DGKZ: variants seen among roughly 807,000 people sequenced by gnomAD.
DGKZ encodes DAG kinase zeta.
In DGKZ, 45 loss-of-function variants were observed where a neutral mutation model predicts 142.5. The ratio of observed to expected loss-of-function variants is 0.32; its 90% confidence interval spans 0.25 to 0.40. The LOEUF (loss-of-function observed/expected upper bound fraction) is 0.40, where lower values mean the gene tolerates loss of function less well. DGKZ is among the 10% of genes least tolerant of loss of function. The pLI is 1.00. For synonymous variants in DGKZ, 442 were observed against 527.0 expected (o/e 0.84, Z 2.21); for missense variants, 755 against 1,306.5 (o/e 0.58, Z 6.51).
intron 6 of DGKZ, 102 bp downstream of exon 6, chr11:46,370,111 G>GGT: frequency 6.9e-7 from 1 of 1,445,222 alleles, no homozygotes; most frequent in Non-Finnish European, 9.7e-7. Context: ...ACCCTGGTGT[G>GGT]CAGAGTCCGG....
intron 25 of DGKZ, 73 bp downstream of exon 25, chr11:46,377,285 C>G: frequency 6.7e-7 from 1 of 1,499,278 alleles, no homozygotes; most frequent in South Asian, 1.4e-5. Context: ...TTCTGAATCC[C>G]TGCTTCTAGC....
chr11:46,376,176 C>G (rs549235797), intron 22 of DGKZ, 31 bp downstream of exon 22: 1 of 1,610,284 alleles, frequency 6.2e-7, no homozygotes, highest in African/African-American at 1.3e-5. Context: ...CAGGTGCCCA[C>G]CGAGAGGGTG....
intron 1 of DGKZ, among the ~76,000 whole-genome samples, chr11:46,339,150 G>A (rs907798404): frequency 2.6e-5 from 4 of 152,236 alleles, no homozygotes; most frequent in African/African-American, 7.2e-5. Flanking sequence ...GCCCCCTGCC[G>A]TGGGCACGCT....
At chr11:46,345,814 G>C (rs1034748386), upstream of DGKZ, among the ~76,000 whole-genome samples, 3 of 152,148 alleles carry the variant, frequency 2.0e-5, no homozygotes, top group Non-Finnish European at 4.4e-5. The surrounding 1 kb of genome is among the most constrained non-coding windows in gnomAD (Gnocchi z 4.1). Flanking sequence ...AGCTAGCAGT[G>C]GGGGGATCTG....
chr11:46,371,531 G>T, exon 8 of DGKZ: 1 of 1,610,278 alleles, frequency 6.2e-7, no homozygotes, highest in East Asian at 2.2e-5. Flanking sequence ...AGATCGAGGA[G>T]CCGTGCTCGC....
chr11:46,336,463 C>T (rs1590367391), intron 1 of DGKZ, among the ~76,000 whole-genome samples: 1 of 152,186 alleles, frequency 6.6e-6, no homozygotes. Context: ...CATGGTGACT[C>T]ATGCCTGTAA....
chr11:46,368,241 C>T, intron 4 of DGKZ, 162 bp downstream of exon 4: 1 of 746,952 alleles, frequency 1.3e-6, no homozygotes, highest in Non-Finnish European at 2.4e-6. Context: ...GCGTTCGAAT[C>T]CTGGCTCCTC....
chr11:46,376,889 G>C (rs1247983915), intron 24 of DGKZ, 184 bp from the exon 25 acceptor site: 13 of 654,026 alleles, frequency 2.0e-5, no homozygotes, highest in Non-Finnish European at 2.9e-5. Flanking sequence ...GGTAAAGTCT[G>C]GGCAGTCGGA....
At chr11:46,366,338 C>T in intron 1 of DGKZ, 4 of 1,559,276 alleles carry the variant, frequency 2.6e-6, no homozygotes, top group Non-Finnish European at 3.4e-6. Flanking sequence ...CAGCGTGGGG[C>T]TGCCCACAGG....
intron 1 of DGKZ, among the ~76,000 whole-genome samples, chr11:46,335,292 G>A (rs550743830): frequency 2.7e-5 from 4 of 149,548 alleles, no homozygotes; most frequent in African/African-American, 7.6e-5. Flanking sequence ...CTAGCCTGGC[G>A]ACAGAGGGTG....
At chr11:46,376,871 G>A in intron 24 of DGKZ, 1 of 642,892 alleles carries the variant, frequency 1.6e-6, no homozygotes, top group Non-Finnish European at 2.7e-6. Flanking sequence ...TCAGGCGCCA[G>A]CTCACCTGGT....
At chr11:46,336,879 GGCGTGGTTGCAT>G (rs1158910416) in intron 1 of DGKZ, among the ~76,000 whole-genome samples, 1 of 152,070 alleles carries the variant, frequency 6.6e-6, no homozygotes, top group Non-Finnish European at 1.5e-5. Flanking sequence ...AAATTAGCTG[GGCGTGGTTGCAT>G]GCGTCTGTAG....
upstream of DGKZ, chr11:46,345,716 G>A (rs1940547059): frequency 9.8e-6 from 9 of 922,010 alleles, no homozygotes; most frequent in Non-Finnish European, 1.4e-5. This position sits in a 1 kb window ranked among gnomAD's most constrained non-coding sequence, Gnocchi z 4.1. Context: ...CACAGAGTAG[G>A]GCAAAGGAGT....
intron 4 of DGKZ, chr11:46,368,281 G>A (rs1400757065): frequency 3.0e-6 from 2 of 667,510 alleles, no homozygotes; most frequent in Non-Finnish European, 5.5e-6. Context: ...CCCACTGCCT[G>A]GAACAAACCT....
chr11:46,374,327 C>G, intron 15 of DGKZ, 72 bp from the exon 16 acceptor site: 1 of 1,612,512 alleles, frequency 6.2e-7, no homozygotes, highest in South Asian at 1.1e-5. Context: ...AGGCATCCAT[C>G]CCAGCCCTCC....
Position 46,367,521 on chromosome 11 carries a change from CAGACGGAACAG to C in DGKZ, c.270+125_271-118del. The C allele has an allele frequency of 7.7e-7, 1 of 1,303,232 alleles. No individual in the cohort carries two copies. Among genetic ancestry groups the C allele is most frequent in the Non-Finnish European group, 1.0e-6 (1 of 952,486 alleles). 80.7% of individuals were successfully genotyped at this position (1,303,232 alleles called of 1,614,324 possible). ...GCCTGGAAGGGTTGGGACAGTGGGG[CAGACGGAACAG>C]AGCAGGGTCGATCGGGGCGCTGGAG... On this transcript the variant is annotated intron_variant, in intron 2 of 30. Coordinates refer to ENST00000527911, the Ensembl canonical transcript of DGKZ. The surrounding 1 kb of genome is among the most constrained non-coding windows in gnomAD (Gnocchi z 4.1).
chr11:46,366,410 T>A (rs1208861386), intron 1 of DGKZ: 27 of 1,532,194 alleles, frequency 1.8e-5, no homozygotes, highest in Non-Finnish European at 2.3e-5. Flanking sequence ...GCGGCGCCGC[T>A]CCAGCGCCCA....
At chr11:46,345,569 G>A, upstream of DGKZ, 1 of 1,529,092 alleles carries the variant, frequency 6.5e-7, no homozygotes. This position sits in a 1 kb window ranked among gnomAD's most constrained non-coding sequence, Gnocchi z 4.1. Context: ...GATCCCATCA[G>A]AGGCACCCCA....
chr11:46,375,016 G>A, exon 19 of DGKZ: 1 of 1,608,446 alleles, frequency 6.2e-7, no homozygotes, highest in Non-Finnish European at 8.5e-7. Flanking sequence ...CGGCTACCTC[G>A]AGGTCATTGG....
Sources: gnomAD v4.1 joint callset for allele counts (sites outside exome capture counted in the v4.1 genomes callset) on GRCh38, gnomAD v4.1.1 for gene constraint, Gnocchi (gnomAD v3.1) non-coding constraint, MANE v1.5 for transcripts, NCBI Gene and HGNC (gene_info 2026-07-23, HGNC 2026-07-21) for gene names.